Variants in FAM120A observed in about 807,000 individuals in gnomAD.
The protein encoded by FAM120A is family with sequence similarity 120 member A, also known as constitutive coactivator of PPAR-gamma-like protein 1.
Under a neutral mutation model 109.7 loss-of-function variants are expected in FAM120A, and 15 were observed. That is an observed-to-expected ratio of 0.14 (90% CI 0.09 to 0.21). The LOEUF (loss-of-function observed/expected upper bound fraction) is 0.21. FAM120A is among the 10% of genes least tolerant of loss of function. FAM120A has a pLI of 1.00. For missense variants in FAM120A, 899 were observed against 1,439.3 expected, an observed-to-expected ratio of 0.62 and a Z score of 6.07; for synonymous variants, 493 against 572.8, an observed-to-expected ratio of 0.86 and a Z score of 1.99.
chr9:93,453,100 G>C, intron 1 of FAM120A: 5 of 1,051,974 alleles, frequency 4.8e-6, no homozygotes, highest in Non-Finnish European at 5.7e-6. Context: ...CCGTGTGAAA[G>C]AGGTCTTTAA....
chr9:93,467,245 C>CA (rs1858073167), intron 1 of FAM120A, among the ~76,000 whole-genome samples: 3 of 38,306 alleles, frequency 7.8e-5, no homozygotes, highest in African/African-American at 1.1e-4. Context: ...GATCTGCTGT[C>CA]ACCCCCCCCC....
intron 7 of FAM120A, among the ~76,000 whole-genome samples, chr9:93,516,855 C>T (rs186069869): frequency 4.6e-5 from 7 of 152,210 alleles, no homozygotes; most frequent in South Asian, 2.1e-4. Context: ...AAAATTTGAT[C>T]GAGGAAATCT....
chr9:93,479,133 C>T (rs957079888), intron 3 of FAM120A, among the ~76,000 whole-genome samples: 4 of 114,916 alleles, frequency 3.5e-5, no homozygotes, highest in Non-Finnish European at 6.5e-5. Context: ...GAGTCTCGCT[C>T]TGTCGCCCAG....
intron 14 of FAM120A, 136 bp from the exon 15 acceptor site, chr9:93,558,445 T>TGAGGTGACAA: frequency 9.2e-7 from 1 of 1,083,052 alleles, no homozygotes. Context: ...CACAGGACAG[T>TGAGGTGACAA]GAGGTGACAA....
At chr9:93,540,481 A>C (rs1588896816) in intron 10 of FAM120A, among the ~76,000 whole-genome samples, 1 of 152,192 alleles carries the variant, frequency 6.6e-6, no homozygotes, top group East Asian at 1.9e-4. Context: ...TACTGTGTCG[A>C]CAGGCTTACC....
At position 93,492,661 on chromosome 9, in the gene FAM120A, C is replaced by T. The variant is rs149400456; in HGVS notation, c.805-4810C>T. Among the ~76,000 whole-genome samples, 36 of 151,516 alleles carry T rather than the reference C, an allele frequency of 2.4e-4. 1 individual carries two copies. In the East Asian group the frequency reaches 5.5e-3, roughly 23 times the overall value. On this transcript the variant is annotated intron_variant, in intron 3 of 17. Coordinates refer to ENST00000277165, the MANE Select transcript of FAM120A (RefSeq NM_014612.5). The stretch of plus-strand genomic sequence containing the variant: ...CTCTGCACAGGCTCAGAGCTGCCTG[C>T]GAAGTGGGGTGGTGGAGGGTGGCTG...
intron 5 of FAM120A, among the ~76,000 whole-genome samples, chr9:93,514,082 G>A (rs1210335041): frequency 1.3e-5 from 2 of 152,168 alleles, no homozygotes; most frequent in Non-Finnish European, 2.9e-5. Flanking sequence ...GCATGGCTGG[G>A]GAGGCCTCAG....
chr9:93,503,045 T>TTAA (rs1345188068), intron 5 of FAM120A, among the ~76,000 whole-genome samples: 1 of 152,192 alleles, frequency 6.6e-6, no homozygotes, highest in Admixed American at 6.5e-5. Context: ...GAAAAGTAAA[T>TTAA]GGGCTCCTAC....
intron 5 of FAM120A, among the ~76,000 whole-genome samples, chr9:93,513,427 G>A (rs570444594): frequency 3.6e-4 from 55 of 152,260 alleles, no homozygotes; most frequent in Admixed American, 1.2e-3. Flanking sequence ...TTAGAGGCAC[G>A]GACTTGTGGA....
intron 16 of FAM120A, among the ~76,000 whole-genome samples, chr9:93,561,760 CATTAAATAATTAACAATT>C (rs374991846): frequency 8.3e-4 from 126 of 152,148 alleles, no homozygotes; most frequent in African/African-American, 2.8e-3. Flanking sequence ...TTTAATTAAC[CATTAAATAATTAACAATT>C]ATTAAATAAT....
intron 17 of FAM120A, 136 bp from the exon 18 acceptor site, chr9:93,564,093 G>T: frequency 1.2e-6 from 1 of 825,360 alleles, no homozygotes; most frequent in Non-Finnish European, 2.0e-6. Context: ...TCAAAGCAAA[G>T]ACAGGGTTAG....
At chr9:93,488,909 G>A (rs1859189402) in intron 3 of FAM120A, among the ~76,000 whole-genome samples, 2 of 151,432 alleles carry the variant, frequency 1.3e-5, no homozygotes, top group African/African-American at 4.9e-5. Context: ...TAACAAAAAT[G>A]ATCTGTTTAA....
At chr9:93,481,767 C>G (rs1858817321) in intron 3 of FAM120A, among the ~76,000 whole-genome samples, 1 of 152,178 alleles carries the variant, frequency 6.6e-6, no homozygotes, top group Non-Finnish European at 1.5e-5. Flanking sequence ...ACTCTGTTTA[C>G]ACTGCAGTTC....
In FAM120A at chr9:93,566,078, A is replaced by C. The variant is rs1193551006; in HGVS notation, c.*1538A>C. 1 of 152,646 alleles carries C rather than the reference A, an allele frequency of 6.6e-6. No homozygotes were observed. Among genetic ancestry groups the C allele is most frequent in the Non-Finnish European group, 1.5e-5 (1 of 68,040 alleles). 9.5% of individuals were successfully genotyped at this position (152,646 alleles called of 1,614,324 possible). Reference sequence around the variant, plus strand: ...TGAAGGCTATTGAATGCAACTTACAATGCTTAATAAAAATCTTTATTCTTT... The same window carrying C: ...TGAAGGCTATTGAATGCAACTTACACTGCTTAATAAAAATCTTTATTCTTT... On this transcript the variant is annotated 3_prime_UTR_variant, in exon 18 of 18. Coordinates refer to ENST00000277165, the MANE Select transcript of FAM120A (RefSeq NM_014612.5).
At chr9:93,475,777 A>G (rs967852364) in intron 2 of FAM120A, among the ~76,000 whole-genome samples, 1 of 152,156 alleles carries the variant, frequency 6.6e-6, no homozygotes, top group African/African-American at 2.4e-5. Context: ...TCATGTTACA[A>G]TCAGCAGTCA....
chr9:93,562,879 G>T (rs142228968), intron 17 of FAM120A, among the ~76,000 whole-genome samples: 4,518 of 152,076 alleles, frequency 0.03, 109 homozygotes, highest in African/African-American at 0.05. Context: ...TGGCCAGGCT[G>T]GTCTCAAACT....
rs1858305279 is a variant in FAM120A at position 93,471,304 on chromosome 9, C to T, written c.638C>T (p.Thr213Ile). ...CTGAGCCGGAACGGGAAAAGTCTCA[C>T]CACAAGCCAATATCTGATGCATGAA... The part of the protein sequence containing the change: ...LKLSRNGKSL[T>I]TSQYLMHEVA... The change falls in exon 2 of 18, where the codon ACC becomes ATC. Residue 213 changes from threonine (T) to isoleucine (I), a missense_variant. Physicochemically the swap from Thr to Ile is moderately conservative, Grantham distance 89. Coordinates refer to ENST00000277165, the MANE Select transcript of FAM120A (RefSeq NM_014612.5). 1 of 1,614,174 alleles carries T rather than the reference C, an allele frequency of 6.2e-7. No individual in the cohort carries two copies.
intron 1 of FAM120A, among the ~76,000 whole-genome samples, chr9:93,454,086 A>C (rs973668470): frequency 6.6e-6 from 1 of 152,176 alleles, no homozygotes. Flanking sequence ...TGCCTCGCAC[A>C]CCTAGTAGGT....
chr9:93,563,595 A>G (rs1686778842), intron 17 of FAM120A, among the ~76,000 whole-genome samples: 1 of 152,254 alleles, frequency 6.6e-6, no homozygotes, highest in Admixed American at 6.5e-5. Context: ...GTCTAATGAT[A>G]GGAGCAATTC....
Sources: allele counts gnomAD v4.1 joint callset (sites outside exome capture counted in the v4.1 genomes callset), GRCh38; gene constraint gnomAD v4.1.1; transcripts MANE v1.5; gene names NCBI Gene and HGNC (gene_info 2026-07-23, HGNC 2026-07-21).